The following PDZRN4 variants were observed in gnomAD, a reference collection of about 807,000 sequenced individuals.
The protein encoded by PDZRN4 is PDZ domain containing ring finger 4, also known as PDZ domain-containing RING finger protein 4.
In PDZRN4, 70 loss-of-function variants were observed where a neutral mutation model predicts 99.0. The observed-to-expected ratio is 0.71, with a 90% CI of 0.58 to 0.86. PDZRN4 has a LOEUF of 0.86. Among genes scored for constraint, PDZRN4 ranks in the 40% least tolerant of loss-of-function variants. PDZRN4 has a pLI of 0.00. For missense variants in PDZRN4, 1,474 were observed against 1,331.2 expected (o/e 1.11, Z -1.67); for synonymous variants, 551 against 501.6 (o/e 1.10, Z -1.32).
intron 3 of PDZRN4, among the ~76,000 whole-genome samples, chr12:41,277,478 C>T (rs1465953077): frequency 6.6e-6 from 1 of 152,180 alleles, no homozygotes; most frequent in African/African-American, 2.4e-5. Context: ...GTTGTGAACT[C>T]AGTTTATGCA....
intron 3 of PDZRN4, among the ~76,000 whole-genome samples, chr12:41,286,344 T>C (rs1380304232): frequency 4.1e-5 from 6 of 147,792 alleles, no homozygotes; most frequent in African/African-American, 7.4e-5. Flanking sequence ...TTCTTTTTTT[T>C]TTTTTTTTTT....
chr12:41,558,005 G>A (rs573500066), intron 7 of PDZRN4, among the ~76,000 whole-genome samples: 1 of 152,288 alleles, frequency 6.6e-6, no homozygotes, highest in African/African-American at 2.4e-5. Context: ...GGGTAGATGA[G>A]TAACATCTGT....
At chr12:41,506,927 G>T (rs1355178760) in intron 4 of PDZRN4, among the ~76,000 whole-genome samples, 1 of 151,846 alleles carries the variant, frequency 6.6e-6, no homozygotes, top group African/African-American at 2.4e-5. Context: ...GCTCCACCTG[G>T]GTAATCATAC....
intron 3 of PDZRN4, among the ~76,000 whole-genome samples, chr12:41,254,812 C>A (rs1181067574): frequency 1.3e-5 from 2 of 152,180 alleles, no homozygotes; most frequent in Non-Finnish European, 2.9e-5. Flanking sequence ...GTTGCTCTGG[C>A]CAGGCACAGT....
At chr12:41,386,698 G>A (rs926046941) in intron 3 of PDZRN4, among the ~76,000 whole-genome samples, 1 of 152,162 alleles carries the variant, frequency 6.6e-6, no homozygotes, top group Non-Finnish European at 1.5e-5. Flanking sequence ...CAAAGCTGGA[G>A]GCATCACAGT....
At chr12:41,432,293 T>C (rs866783554) in intron 3 of PDZRN4, among the ~76,000 whole-genome samples, 17 of 152,380 alleles carry the variant, frequency 1.1e-4, no homozygotes, top group African/African-American at 3.8e-4. Context: ...TTTATGTTTA[T>C]GGATTTGAAT....
At chr12:41,522,098 C>G (rs1012620784) in intron 5 of PDZRN4, among the ~76,000 whole-genome samples, 1 of 152,056 alleles carries the variant, frequency 6.6e-6, no homozygotes, top group Non-Finnish European at 1.5e-5. Flanking sequence ...CAAGTAAAGA[C>G]AGTTACAAAT....
chr12:41,384,836 C>T (rs1592037746), intron 3 of PDZRN4, among the ~76,000 whole-genome samples: 1 of 152,256 alleles, frequency 6.6e-6, no homozygotes, highest in East Asian at 1.9e-4. Context: ...AACAGCAATG[C>T]CCAACTCCAG....
intron 5 of PDZRN4, among the ~76,000 whole-genome samples, chr12:41,522,942 A>G (rs990245170): frequency 2.6e-5 from 4 of 152,108 alleles, no homozygotes; most frequent in African/African-American, 9.6e-5. Context: ...TTGCCCAATA[A>G]TTTACAAGTC....
chr12:41,370,745 A>G (rs1015381833), intron 3 of PDZRN4, among the ~76,000 whole-genome samples: 4 of 152,054 alleles, frequency 2.6e-5, no homozygotes, highest in Non-Finnish European at 5.9e-5. Context: ...CCTGCTTTTA[A>G]TCACTCTGGA....
chr12:41,277,614 A>T (rs1301177927), intron 3 of PDZRN4, among the ~76,000 whole-genome samples: 1 of 152,224 alleles, frequency 6.6e-6, no homozygotes, highest in African/African-American at 2.4e-5. Context: ...TCTGTAGACC[A>T]GACTAGCTGG....
chr12:41,378,749 C>T (rs894177384), intron 3 of PDZRN4, among the ~76,000 whole-genome samples: 1 of 152,098 alleles, frequency 6.6e-6, no homozygotes, highest in Non-Finnish European at 1.5e-5. Context: ...TCTTGAACTC[C>T]TGACCTCAGG....
chr12:41,384,157 C>G (rs1952148212), intron 3 of PDZRN4, among the ~76,000 whole-genome samples: 1 of 151,866 alleles, frequency 6.6e-6, no homozygotes, highest in Admixed American at 6.6e-5. Flanking sequence ...GGGCCTCACT[C>G]CCATCACCTA....
chr12:41,388,613 A>G (rs1287772350), intron 3 of PDZRN4, among the ~76,000 whole-genome samples: 2 of 152,172 alleles, frequency 1.3e-5, no homozygotes, highest in Non-Finnish European at 2.9e-5. Flanking sequence ...TTCAGAAACT[A>G]TTGGAGTAGT....
chr12:41,455,812 C>T (rs1233726356), intron 3 of PDZRN4, among the ~76,000 whole-genome samples: 4 of 152,072 alleles, frequency 2.6e-5, no homozygotes, highest in African/African-American at 9.7e-5. Context: ...AGATTAAACC[C>T]ATCTTGGTTG....
Position 41,457,655 on chromosome 12 carries a change from T to C in PDZRN4, c.844-48801T>C, listed in dbSNP as rs111546313. On this transcript the variant is annotated intron_variant, in intron 3 of 9. Transcript: ENST00000402685. ...AAGATCTTTTCCATCAATGCTTATT[T>C]TCCTTGTACCAATGTCAGAAACATG... 3.2e-3 allele frequency among the ~76,000 whole-genome samples: 486 copies of C among 152,334 alleles called. 2 individuals are homozygous for C. Among genetic ancestry groups the C allele is most frequent in the Non-Finnish European group, 5.5e-3 (373 of 68,026 alleles).
Position 41,230,228 on chromosome 12 carries a change from G to A in PDZRN4, c.843+36040G>A, listed in dbSNP as rs150723173. On this transcript the variant is annotated intron_variant, in intron 3 of 9. Transcript: ENST00000402685. ...CTCTTTAGGTTCTGGGTAAGGGACA[G>A]TGCATTCCATGTGAAAGTAGGGAGG... Among the ~76,000 whole-genome samples, 677 of 152,068 alleles carry A rather than the reference G, an allele frequency of 4.5e-3. 6 individuals are homozygous for A. Among genetic ancestry groups the A allele is most frequent in the African/African-American group, 0.015 (602 of 41,498 alleles).
chr12:41,460,195 T>C (rs1054355771), intron 3 of PDZRN4: 38 of 674,182 alleles, frequency 5.6e-5, no homozygotes, highest in Non-Finnish European at 7.5e-5. Context: ...TTTATTCCTA[T>C]ATTGAATATC....
rs183126735 is a variant in PDZRN4, at chr12:41,564,213, A to T, written c.1467+564A>T. 5.8e-4 allele frequency among the ~76,000 whole-genome samples: 88 copies of T among 152,340 alleles called. No homozygotes were observed. The East Asian group carries it at 0.011, about 19-fold the overall frequency. On this transcript the variant is annotated intron_variant, in intron 8 of 9. Coordinates refer to ENST00000402685, the MANE Select transcript of PDZRN4 (RefSeq NM_001164595.2). ...CAATTAGAATGTCTTGTATAGCATG[A>T]TCTGGTTCCATGTATAGTAAATGAA...
Sources: allele counts gnomAD v4.1 joint callset (sites outside exome capture counted in the v4.1 genomes callset), GRCh38; gene constraint gnomAD v4.1.1; transcripts MANE v1.5; gene names NCBI Gene and HGNC (gene_info 2026-07-23, HGNC 2026-07-21).